The following ROBO2 variants were observed in gnomAD, a reference collection of about 807,000 sequenced individuals.
The protein encoded by ROBO2 is roundabout guidance receptor 2.
Under a neutral mutation model 160.8 loss-of-function variants are expected in ROBO2, and 53 were observed. The ratio of observed to expected loss-of-function variants is 0.33; its 90% confidence interval spans 0.26 to 0.41. The LOEUF (loss-of-function observed/expected upper bound fraction) is 0.41. Among genes scored for constraint, ROBO2 ranks in the 10% least tolerant of loss-of-function variants. The probability of loss-of-function intolerance (pLI) is 1.00; values close to 1 mark genes in which losing one functional copy is unlikely to be tolerated. For missense variants in ROBO2, 1,577 were observed against 1,722.4 expected (o/e 0.92, Z 1.49); for synonymous variants, 664 against 611.7 (o/e 1.09, Z -1.26).
At chr3:77,583,683 C>A (rs1311973999) in intron 16 of ROBO2, among the ~76,000 whole-genome samples, 1 of 152,040 alleles carries the variant, frequency 6.6e-6, no homozygotes, top group South Asian at 2.1e-4. Flanking sequence ...TTTCTGCTGA[C>A]CTTGGGTTAT....
At chr3:76,820,295 A>T (rs895899048) in intron 2 of ROBO2, among the ~76,000 whole-genome samples, 7 of 152,044 alleles carry the variant, frequency 4.6e-5, no homozygotes, top group African/African-American at 1.7e-4. Flanking sequence ...ACAACTTATA[A>T]AATTCTCCCT....
intron 2 of ROBO2, among the ~76,000 whole-genome samples, chr3:76,107,814 C>T (rs962512745): frequency 6.6e-6 from 1 of 151,912 alleles, no homozygotes; most frequent in African/African-American, 2.4e-5. Context: ...CTTATTTTTC[C>T]CACATGAATG....
chr3:76,295,087 G>A (rs17789651), intron 2 of ROBO2, among the ~76,000 whole-genome samples: 3,632 of 152,220 alleles, frequency 0.024, 59 homozygotes, highest in South Asian at 0.065. Flanking sequence ...CTCAGGTAAA[G>A]AGGCTTTTAG....
chr3:76,830,855 G>T (rs1477583768), intron 2 of ROBO2, among the ~76,000 whole-genome samples: 1 of 151,652 alleles, frequency 6.6e-6, no homozygotes, highest in Non-Finnish European at 1.5e-5. Flanking sequence ...AGGGGATGGT[G>T]GTATGTGCCT....
intron 2 of ROBO2, among the ~76,000 whole-genome samples, chr3:76,020,762 C>T (rs1054764589): frequency 2.0e-5 from 3 of 151,898 alleles, no homozygotes; most frequent in African/African-American, 7.2e-5. Context: ...TCTTGTAGCT[C>T]CAGCTTTCCT....
intron 2 of ROBO2, among the ~76,000 whole-genome samples, chr3:77,006,936 GTGGT>G (rs2061611675): frequency 6.6e-6 from 1 of 152,048 alleles, no homozygotes; most frequent in Admixed American, 6.6e-5. Flanking sequence ...AAAATATATG[GTGGT>G]TAAGTAAAAG....
chr3:76,383,159 G>GA (rs200146093), intron 2 of ROBO2, among the ~76,000 whole-genome samples: 39 of 151,758 alleles, frequency 2.6e-4, no homozygotes, highest in African/African-American at 7.7e-4. Context: ...TCTAAAAATA[G>GA]AAAAAAAAGA....
At chr3:75,993,901 C>G (rs1325888500) in intron 2 of ROBO2, among the ~76,000 whole-genome samples, 2 of 152,166 alleles carry the variant, frequency 1.3e-5, no homozygotes. Context: ...AACCCCTCCA[C>G]CAAAGTTACA....
At chr3:75,987,658 T>C (rs980904946) in intron 2 of ROBO2, among the ~76,000 whole-genome samples, 1 of 152,032 alleles carries the variant, frequency 6.6e-6, no homozygotes, top group Non-Finnish European at 1.5e-5. Context: ...TTCAGTCTTT[T>C]AACAGTGAGT....
chr3:76,832,676 C>G lies in ROBO2; in HGVS notation c.110-265338C>G, dbSNP rs143521264. Among the ~76,000 whole-genome samples, 122 of 152,122 alleles carry G rather than the reference C, an allele frequency of 8.0e-4. No homozygotes were observed. In the Middle Eastern group the frequency reaches 0.014, roughly 17 times the overall value. On this transcript the variant is annotated intron_variant, in intron 2 of 26. Coordinates refer to the ROBO2 transcript ENST00000487694. The stretch of plus-strand genomic sequence containing the variant: ...ATACATTCAAGGTCAAGAAAATAAG[C>G]AAGTACAAACGGTTTCAGGAGGCAC...
chr3:77,578,431 T>C lies in ROBO2; in HGVS notation c.2328+817T>C, dbSNP rs1241111839. ...TTCTGAAAATAGCATATTCTATACA[T>C]CTAATATAATACAAAACTAGACACC... On this transcript the variant is annotated intron_variant, in intron 15 of 25. Transcript: ENST00000461745. Among the ~76,000 whole-genome samples the C allele has an allele frequency of 2.6e-5, 4 of 152,070 alleles. No homozygotes were observed. In the South Asian group the frequency reaches 6.2e-4, roughly 24 times the overall value.
At chr3:76,017,370 C>T (rs999023908) in intron 2 of ROBO2, among the ~76,000 whole-genome samples, 3 of 152,108 alleles carry the variant, frequency 2.0e-5, no homozygotes, top group African/African-American at 7.2e-5. Flanking sequence ...ATAGGTTGTT[C>T]AAGGATTGGT....
chr3:76,218,077 A>G (rs964511093), intron 2 of ROBO2, among the ~76,000 whole-genome samples: 2 of 152,234 alleles, frequency 1.3e-5, no homozygotes, highest in African/African-American at 2.4e-5. Flanking sequence ...GATTATCTCA[A>G]TAGATGCAAA....
intron 2 of ROBO2, among the ~76,000 whole-genome samples, chr3:77,017,661 C>T (rs1045816263): frequency 1.1e-4 from 16 of 152,076 alleles, no homozygotes; most frequent in Admixed American, 2.6e-4. Context: ...GAAACACAAA[C>T]TCATGAAAGT....
At chr3:76,371,796 A>G (rs1275518281) in intron 2 of ROBO2, among the ~76,000 whole-genome samples, 3 of 151,932 alleles carry the variant, frequency 2.0e-5, no homozygotes, top group Non-Finnish European at 1.5e-5. Flanking sequence ...TTACTATAAT[A>G]TTAAATTTAC....
intron 2 of ROBO2, among the ~76,000 whole-genome samples, chr3:76,400,372 C>T (rs1488099380): frequency 6.6e-6 from 1 of 151,536 alleles, no homozygotes; most frequent in Non-Finnish European, 1.5e-5. Context: ...GGGATAGCAA[C>T]ATCTAGATAC....
chr3:77,577,194 A>G (rs2093790617), intron 14 of ROBO2, among the ~76,000 whole-genome samples: 1 of 152,100 alleles, frequency 6.6e-6, no homozygotes, highest in South Asian at 2.1e-4. Context: ...GATTAATGCA[A>G]GCATTAAACC....
chr3:77,225,611 T>C (rs2086395332), intron 2 of ROBO2, among the ~76,000 whole-genome samples: 1 of 152,010 alleles, frequency 6.6e-6, no homozygotes, highest in Non-Finnish European at 1.5e-5. Flanking sequence ...TGGGTCATTT[T>C]TGATTAACCT....
At chr3:76,288,888 G>A (rs752085960) in intron 2 of ROBO2, among the ~76,000 whole-genome samples, 54 of 151,886 alleles carry the variant, frequency 3.6e-4, no homozygotes, top group Non-Finnish European at 6.3e-4. Flanking sequence ...TTTTAATCCA[G>A]TCCACTCTTG....
Sources: gnomAD v4.1 joint callset for allele counts (sites outside exome capture counted in the v4.1 genomes callset) on GRCh38, gnomAD v4.1.1 for gene constraint, MANE v1.5 for transcripts, NCBI Gene and HGNC (gene_info 2026-07-23, HGNC 2026-07-21) for gene names.